The following MTA3 variants were observed in gnomAD, a reference collection of about 807,000 sequenced individuals.
MTA3 encodes the protein metastasis associated 1 family member 3.
A neutral mutation model predicts 83.5 loss-of-function variants in MTA3; 34 were observed. The observed-to-expected ratio is 0.41, with a 90% confidence interval of 0.31 to 0.54. The LOEUF (loss-of-function observed/expected upper bound fraction) is 0.54. Among genes scored for constraint, MTA3 ranks in the 20% least tolerant of loss-of-function variants. The pLI is 0.33. For missense variants in MTA3, 761 were observed against 726.4 expected (o/e 1.05, Z -0.55); for synonymous variants, 303 against 252.7 (o/e 1.20, Z -1.89).
At chr2:42,639,666 A>G (rs778890002) in intron 4 of MTA3, among the ~76,000 whole-genome samples, 6 of 152,208 alleles carry the variant, frequency 3.9e-5, no homozygotes, top group Non-Finnish European at 8.8e-5. Flanking sequence ...TAATTTCAAT[A>G]TAGATGAATT....
chr2:42,640,993 G>A (rs985834185), intron 5 of MTA3, among the ~76,000 whole-genome samples: 4 of 151,984 alleles, frequency 2.6e-5, no homozygotes, highest in African/African-American at 4.8e-5. Flanking sequence ...TGCAACCTCC[G>A]CCTCCCGGGT....
chr2:42,594,728 A>ATATATATATATATTTTTTTTTT, intron 3 of MTA3, among the ~76,000 whole-genome samples: 21 of 24,036 alleles, frequency 8.7e-4, no homozygotes, highest in Non-Finnish European at 1.0e-3. Flanking sequence ...ATATATATAT[A>ATATATATATATATTTTTTTTTT]TTTTTTTTTT....
intron 2 of MTA3, among the ~76,000 whole-genome samples, chr2:42,546,525 G>A (rs1211705814): frequency 6.6e-6 from 1 of 151,958 alleles, no homozygotes; most frequent in Non-Finnish European, 1.5e-5. Flanking sequence ...AAAAAGAACT[G>A]AAAAAAATTA....
intron 4 of MTA3, 87 bp downstream of exon 4, chr2:42,609,671 C>T (rs1341877695): frequency 1.1e-5 from 16 of 1,417,730 alleles, no homozygotes; most frequent in Admixed American, 2.2e-5. Context: ...AGACTCTTCT[C>T]AGGATCTTGC....
At chr2:42,627,391 A>T (rs1245964409) in intron 4 of MTA3, among the ~76,000 whole-genome samples, 3 of 152,010 alleles carry the variant, frequency 2.0e-5, no homozygotes, top group Non-Finnish European at 4.4e-5. Flanking sequence ...TGTCCTAATT[A>T]TATTAGGGAA....
At chr2:42,582,876 C>G (rs1679829346) in intron 3 of MTA3, among the ~76,000 whole-genome samples, 1 of 152,014 alleles carries the variant, frequency 6.6e-6, no homozygotes, top group South Asian at 2.1e-4. Flanking sequence ...TGCATTTTTT[C>G]TTTCATTTTT....
At chr2:42,743,756 T>A (rs1669207360) in intron 16 of MTA3, among the ~76,000 whole-genome samples, 1 of 152,124 alleles carries the variant, frequency 6.6e-6, no homozygotes, top group African/African-American at 2.4e-5. Context: ...ACTGTTGGCA[T>A]CCCAACCCTG....
At chr2:42,594,244 CTTTTT>C (rs143512619) in intron 3 of MTA3, among the ~76,000 whole-genome samples, 10 of 114,948 alleles carry the variant, frequency 8.7e-5, no homozygotes, top group Admixed American at 2.1e-4. Context: ...CGCCAGGCCC[CTTTTT>C]TTTTTTTTTT....
chr2:42,694,755 G>T (rs1403289576), intron 9 of MTA3, among the ~76,000 whole-genome samples: 1 of 152,186 alleles, frequency 6.6e-6, no homozygotes, highest in Non-Finnish European at 1.5e-5. Context: ...TTTGGAAGCT[G>T]AAATAACTCA....
At chr2:42,613,460 C>T (rs1359508547) in intron 4 of MTA3, among the ~76,000 whole-genome samples, 2 of 152,220 alleles carry the variant, frequency 1.3e-5, no homozygotes, top group African/African-American at 2.4e-5. Context: ...GCTGTGCTAA[C>T]CAGCCCACAT....
At position 42,736,872 on chromosome 2, in the gene MTA3, C is replaced by T. The variant is rs2104573829; in HGVS notation, c.1759+13837C>T. Among the ~76,000 whole-genome samples, 4 of 152,312 alleles carry T rather than the reference C, an allele frequency of 2.6e-5. No homozygotes were observed. In the South Asian group the frequency reaches 8.3e-4, roughly 32 times the overall value. ...CCTGCCAGGACTGGATCCTTCCCTTCAAGGCAGTGGGCTTTCTTCCTGCTT... is the reference window on the plus strand; with the variant it reads ...CCTGCCAGGACTGGATCCTTCCCTTTAAGGCAGTGGGCTTTCTTCCTGCTT... On this transcript the variant is annotated intron_variant, in intron 16 of 16. Coordinates refer to ENST00000405094, the MANE Select transcript of MTA3 (RefSeq NM_001330442.2).
At chr2:42,695,681 G>T in intron 9 of MTA3, 84 bp from the exon 10 acceptor site, 2 of 494,970 alleles carry the variant, frequency 4.0e-6, no homozygotes, top group South Asian at 6.3e-5. Flanking sequence ...GGTTTTTAAG[G>T]AAAGTACTTT....
chr2:42,663,373 C>T (rs1388923048), intron 8 of MTA3, among the ~76,000 whole-genome samples: 1 of 152,096 alleles, frequency 6.6e-6, no homozygotes, highest in Non-Finnish European at 1.5e-5. Flanking sequence ...TGGGAGAGGG[C>T]AGTTTTAGAG....
chr2:42,591,852 T>C (rs1037397444), intron 3 of MTA3, among the ~76,000 whole-genome samples: 3 of 151,992 alleles, frequency 2.0e-5, no homozygotes, highest in Non-Finnish European at 2.9e-5. Context: ...AGTTTCACCA[T>C]GTTGGCCAGG....
At position 42,718,926 on chromosome 2, in the gene MTA3, C is replaced by G. The variant is rs1443450578; in HGVS notation, c.1526-62C>G. On this transcript the variant is annotated intron_variant, in intron 14 of 16. Coordinates refer to ENST00000405094, the MANE Select transcript of MTA3 (RefSeq NM_001330442.2). ...CACTTGTACCTTTATTTCTGTGGTG[C>G]ATGTAGTCTGGCTAGAGAAATCCAT... is the stretch of plus-strand genomic sequence containing the variant. 13 of 1,178,106 alleles carry G rather than the reference C, an allele frequency of 1.1e-5. 1 individual carries two copies. Among genetic ancestry groups the G allele is most frequent in the Non-Finnish European group, 1.6e-5 (13 of 809,434 alleles). 73.0% of individuals were successfully genotyped at this position (1,178,106 alleles called of 1,614,324 possible).
At chr2:42,654,585 A>G (rs10172447) in intron 6 of MTA3, among the ~76,000 whole-genome samples, 120,840 of 152,120 alleles carry the variant, frequency 0.79, 48,891 homozygotes, top group African/African-American at 0.95. Context: ...CAAAGCATTC[A>G]GCATTATTGT....
At chr2:42,564,814 T>A (rs1048623626), upstream of MTA3, among the ~76,000 whole-genome samples, 1 of 152,174 alleles carries the variant, frequency 6.6e-6, no homozygotes, top group Non-Finnish European at 1.5e-5. Flanking sequence ...TCTCGTTCTG[T>A]TGCCCAGACT....
At chr2:42,495,784 C>T (rs1285168684) in intron 2 of MTA3, among the ~76,000 whole-genome samples, 1 of 152,136 alleles carries the variant, frequency 6.6e-6, no homozygotes, top group Non-Finnish European at 1.5e-5. Context: ...TGCCTTTGCA[C>T]TTTGGGTCAT....
chr2:42,658,536 T>G (rs1022355336), intron 7 of MTA3, among the ~76,000 whole-genome samples: 1 of 152,154 alleles, frequency 6.6e-6, no homozygotes, highest in African/African-American at 2.4e-5. Context: ...AACGTAATTT[T>G]AATCAAAAGA....
Sources: allele counts gnomAD v4.1 joint callset (sites outside exome capture counted in the v4.1 genomes callset), GRCh38; gene constraint gnomAD v4.1.1; transcripts MANE v1.5; gene names NCBI Gene and HGNC (gene_info 2026-07-23, HGNC 2026-07-21).